Variants in PIEZO2 observed in about 807,000 individuals in gnomAD.
The protein encoded by PIEZO2 is piezo type mechanosensitive ion channel component 2, also known as piezo-type mechanosensitive ion channel component 2.
In PIEZO2, 172 loss-of-function variants were observed where a neutral mutation model predicts 337.3. The ratio of observed to expected loss-of-function variants is 0.51; its 90% confidence interval spans 0.45 to 0.58. PIEZO2 has a LOEUF of 0.58. Among genes scored for constraint, PIEZO2 ranks in the 20% least tolerant of loss-of-function variants. PIEZO2 has a pLI of 0.00. For missense variants in PIEZO2, 3,028 were observed against 3,391.3 expected (o/e 0.89, Z 2.66); for synonymous variants, 1,251 against 1,228.5 (o/e 1.02, Z -0.38).
At chr18:10,924,738 A>G (rs574009433) in intron 3 of PIEZO2, among the ~76,000 whole-genome samples, 1 of 152,164 alleles carries the variant, frequency 6.6e-6, no homozygotes, top group Admixed American at 6.5e-5. Flanking sequence ...ATTTCAATGG[A>G]GCATTCTCAG....
rs2040341933 is a variant in PIEZO2, at chr18:11,131,603, T to A, written c.64+16922A>T. Among the ~76,000 whole-genome samples, 1 of 152,188 alleles carries A rather than the reference T, an allele frequency of 6.6e-6. No homozygotes were observed. The highest frequency in any genetic ancestry group is 1.5e-5 in the Non-Finnish European group (1 of 68,026). ...CGAGCCATGCACCTGGCTGTGCACG[T>A]TGCATGGAAGAAGAAATGGCCAGAT... is the stretch of plus-strand genomic sequence containing the variant. On this transcript the variant is annotated intron_variant, in intron 1 of 55. Coordinates refer to ENST00000674853, the MANE Select transcript of PIEZO2 (RefSeq NM_001378183.1). This position sits in a 1 kb window ranked among gnomAD's most constrained non-coding sequence, Gnocchi z 5.3.
intron 1 of PIEZO2, among the ~76,000 whole-genome samples, chr18:11,133,850 C>T (rs544684740): frequency 1.3e-5 from 2 of 150,902 alleles, no homozygotes; most frequent in South Asian, 2.1e-4. Flanking sequence ...TATATATATA[C>T]ACTTAATAAA....
At chr18:10,735,380 A>G (rs1383019750) in intron 34 of PIEZO2, among the ~76,000 whole-genome samples, 50 bp from the exon 35 acceptor site, 1 of 152,204 alleles carries the variant, frequency 6.6e-6, no homozygotes, top group Non-Finnish European at 1.5e-5. Flanking sequence ...ACCAAAAACT[A>G]GTAATTTAAT....
In PIEZO2 at chr18:10,855,484, C is replaced by G. The variant is rs1320885573; in HGVS notation, c.786G>C (p.Thr262=). Residue 262 remains threonine, a synonymous_variant, in exon 7 of 56, where the codon ACG becomes ACC. Transcript: ENST00000674853. The surrounding 1 kb of genome is among the most constrained non-coding windows in gnomAD (Gnocchi z 4.9). ...GLCTWWSWCR[T]FDPLLFSCLC... is the part of the protein sequence containing the mutation. Reference sequence around the variant, plus strand: ...GACAGCTGAACAGCAATGGGTCGAACGTCCGGCACCAGGACCACCAGGTGC... The same window carrying G: ...GACAGCTGAACAGCAATGGGTCGAAGGTCCGGCACCAGGACCACCAGGTGC... 6.5e-7 allele frequency: 1 copy of G among 1,537,076 alleles called. No homozygotes were observed. Among genetic ancestry groups the G allele is most frequent in the Non-Finnish European group, 8.7e-7 (1 of 1,146,890 alleles).
chr18:11,026,270 T>A (rs1446733040), intron 2 of PIEZO2, among the ~76,000 whole-genome samples: 2 of 152,204 alleles, frequency 1.3e-5, no homozygotes, highest in African/African-American at 4.8e-5. Context: ...TATATTGAAA[T>A]TGTAGTCGCA....
intron 28 of PIEZO2, among the ~76,000 whole-genome samples, chr18:10,751,274 G>GGAAT (rs1177524366): frequency 9.2e-5 from 14 of 152,058 alleles, no homozygotes; most frequent in South Asian, 2.1e-4. Flanking sequence ...ACAGGTTTAC[G>GGAAT]GAATGAATGA....
intron 7 of PIEZO2, among the ~76,000 whole-genome samples, chr18:10,839,189 C>T (rs1008480440): frequency 1.3e-5 from 2 of 152,166 alleles, no homozygotes; most frequent in African/African-American, 4.8e-5. Context: ...ACTCACAAGT[C>T]CCAGTCTGCT....
At chr18:11,050,813 A>G (rs2037497228) in intron 2 of PIEZO2, among the ~76,000 whole-genome samples, 1 of 151,328 alleles carries the variant, frequency 6.6e-6, no homozygotes, top group African/African-American at 2.4e-5. Context: ...TAAAATTAAT[A>G]ATAAATTTTG....
intron 2 of PIEZO2, among the ~76,000 whole-genome samples, chr18:11,064,091 G>T (rs550473602): frequency 4.6e-5 from 7 of 152,018 alleles, no homozygotes; most frequent in Admixed American, 1.3e-4. Flanking sequence ...TCGGAAATTT[G>T]TGTTGGGCCA....
intron 49 of PIEZO2, among the ~76,000 whole-genome samples, chr18:10,688,811 T>C (rs944878911): frequency 5.3e-5 from 8 of 152,162 alleles, no homozygotes; most frequent in African/African-American, 1.4e-4. Context: ...GTTGCTACCC[T>C]CAATGTTCCT....
Position 11,009,926 on chromosome 18 carries a change from G to C in PIEZO2, c.161-30266C>G, listed in dbSNP as rs180737148. 5.9e-5 allele frequency among the ~76,000 whole-genome samples: 9 copies of C among 152,276 alleles called. No individual in the cohort carries two copies. Among genetic ancestry groups the C allele is most frequent in the Non-Finnish European group, 1.3e-4 (9 of 68,024 alleles). On this transcript the variant is annotated intron_variant, in intron 2 of 55. Transcript: ENST00000674853. This position sits in a 1 kb window ranked among gnomAD's most constrained non-coding sequence, Gnocchi z 4.6. Reference sequence around the variant, plus strand: ...GGCCTCAGGAGAAACCAAGCCTCAAGACACCTTGATCTCAAATATCCAGCC... The same window carrying C: ...GGCCTCAGGAGAAACCAAGCCTCAACACACCTTGATCTCAAATATCCAGCC...
chr18:11,114,706 A>G (rs907741236), intron 1 of PIEZO2, among the ~76,000 whole-genome samples: 4 of 151,992 alleles, frequency 2.6e-5, no homozygotes, highest in African/African-American at 7.2e-5. Context: ...TTCCCCCCAC[A>G]TATTTGAAAA....
Position 10,773,766 on chromosome 18 carries a change from T to G in PIEZO2, c.2568-137A>C. ...CCTCACAAGGTGGGGTGTTAGCGTT[T>G]TGTCACTTTCTTTTTGGTTGGTTTG... is the stretch of plus-strand genomic sequence containing the variant. On this transcript the variant is annotated intron_variant, in intron 19 of 55. Transcript: ENST00000674853. The surrounding 1 kb of genome is among the most constrained non-coding windows in gnomAD (Gnocchi z 5.3). 1 of 816,490 alleles carries G rather than the reference T, an allele frequency of 1.2e-6. No homozygotes were observed. Among genetic ancestry groups the G allele is most frequent in the Non-Finnish European group, 1.9e-6 (1 of 529,474 alleles). 50.6% of individuals were successfully genotyped at this position (816,490 alleles called of 1,614,324 possible).
At chr18:10,858,549 T>G (rs1000117579) in intron 5 of PIEZO2, among the ~76,000 whole-genome samples, 3 of 152,174 alleles carry the variant, frequency 2.0e-5, no homozygotes, top group Middle Eastern at 3.2e-3. Context: ...GGCCTCTCCA[T>G]GTTCCCATTT....
chr18:11,042,146 T>C (rs1002225435), intron 2 of PIEZO2, among the ~76,000 whole-genome samples: 4 of 152,198 alleles, frequency 2.6e-5, no homozygotes, highest in African/African-American at 7.2e-5. Flanking sequence ...TATACTTTCA[T>C]TGAGGTCACA....
intron 40 of PIEZO2, 79 bp from the exon 41 acceptor site, chr18:10,705,825 C>A: frequency 7.1e-7 from 1 of 1,411,882 alleles, no homozygotes; most frequent in Non-Finnish European, 9.3e-7. Context: ...CCTGAGAGAC[C>A]TCATCAGAAC....
intron 20 of PIEZO2, among the ~76,000 whole-genome samples, chr18:10,772,128 A>C (rs1217671762): frequency 1.3e-5 from 2 of 152,196 alleles, no homozygotes; most frequent in Non-Finnish European, 2.9e-5. Context: ...TATCTGTGTA[A>C]TTGTGAAGAA....
intron 4 of PIEZO2, among the ~76,000 whole-genome samples, chr18:10,879,542 C>T (rs1367140914): frequency 2.0e-5 from 3 of 151,986 alleles, no homozygotes; most frequent in African/African-American, 7.2e-5. Flanking sequence ...ACTACAGGCA[C>T]CCGCCACCAC....
Position 10,855,506 on chromosome 18 carries a change from G to A in PIEZO2, c.764C>T (p.Thr255Ile). ...GAACGTCCGGCACCAGGACCACCAGGTGCACAGACCCAAAAATACAAAAAA... is the reference window on the plus strand; with the variant it reads ...GAACGTCCGGCACCAGGACCACCAGATGCACAGACCCAAAAATACAAAAAA... ...VYFFVFLGLC[T>I]WWSWCRTFDP... is the part of the protein sequence containing the mutation. The change falls in exon 7 of 56, where the codon ACC (threonine) becomes ATC (isoleucine). Residue 255 changes from threonine to isoleucine, a missense_variant. Thr to Ile is a moderately conservative substitution (Grantham distance 89). Transcript: ENST00000674853. This position sits in a 1 kb window ranked among gnomAD's most constrained non-coding sequence, Gnocchi z 4.9. 3 of 1,537,044 alleles carry A rather than the reference G, an allele frequency of 2.0e-6. No homozygotes were observed. The highest frequency in any genetic ancestry group is 1.7e-6 in the Non-Finnish European group (2 of 1,146,912).
Sources: allele counts gnomAD v4.1 joint callset (sites outside exome capture counted in the v4.1 genomes callset), GRCh38; gene constraint gnomAD v4.1.1; non-coding constraint Gnocchi (gnomAD v3.1); transcripts MANE v1.5; gene names NCBI Gene and HGNC (gene_info 2026-07-23, HGNC 2026-07-21).